BZW2: variants seen among roughly 807,000 people sequenced by gnomAD.
The protein encoded by BZW2 is basic leucine zipper and W2 domains 2.
Under a neutral mutation model 53.2 loss-of-function variants are expected in BZW2, and 23 were observed. The ratio of observed to expected loss-of-function variants is 0.43; its 90% CI spans 0.31 to 0.61. The LOEUF (loss-of-function observed/expected upper bound fraction) is 0.61. Among genes scored for constraint, BZW2 ranks in the 20% least tolerant of loss-of-function variants. The pLI, the probability that BZW2 is intolerant of heterozygous loss-of-function variation, is 0.09. For missense variants in BZW2, 409 were observed against 503.1 expected (o/e 0.81, Z 1.79); for synonymous variants, 227 against 186.4 (o/e 1.22, Z -1.77).
In BZW2 at chr7:16,697,056, C is replaced by T; in HGVS notation, c.964C>T (p.Leu322=). The T allele has an allele frequency of 6.2e-7, 1 of 1,613,828 alleles. No individual in the cohort carries two copies. The highest frequency in any genetic ancestry group is 1.3e-5 in the African/African-American group (1 of 75,026). Residue 322 remains leucine, a synonymous_variant, in exon 9 of 12, where the codon CTG becomes TTG. Transcript: ENST00000258761. Reference sequence around the variant, plus strand: ...TGTTGCAGAGCAGGCTCTGAAGCACCTGAAGGTAACAGCCCTTAGCAAGGA... The same window carrying T: ...TGTTGCAGAGCAGGCTCTGAAGCACTTGAAGGTAACAGCCCTTAGCAAGGA... ...ELVAEQALKH[L]KQYAPLLAVF...
intron 1 of BZW2, among the ~76,000 whole-genome samples, chr7:16,649,591 T>G (rs1449798477): frequency 6.6e-6 from 1 of 152,220 alleles, no homozygotes; most frequent in Admixed American, 6.5e-5. Flanking sequence ...TTTTGTTGCA[T>G]TTTTGAGTAT....
intron 1 of BZW2, among the ~76,000 whole-genome samples, chr7:16,657,502 T>G (rs1782151485): frequency 6.6e-6 from 1 of 152,224 alleles, no homozygotes; most frequent in African/African-American, 2.4e-5. Flanking sequence ...GTGTTGAGCT[T>G]CTTTTTCTGC....
chr7:16,654,581 CTG>C (rs1782074323), intron 1 of BZW2, among the ~76,000 whole-genome samples: 4 of 143,384 alleles, frequency 2.8e-5, no homozygotes, highest in Non-Finnish European at 4.6e-5. Context: ...GTCAGCCAGG[CTG>C]TGATACAGTG....
At chr7:16,662,054 T>A (rs968495519) in intron 1 of BZW2, 2 of 152,154 alleles carry the variant, frequency 1.3e-5, no homozygotes, top group Non-Finnish European at 2.9e-5. Flanking sequence ...ATTCAAAGTG[T>A]CCTTGCTTCT....
chr7:16,691,888 G>A (rs1783319823), intron 7 of BZW2, among the ~76,000 whole-genome samples: 1 of 152,058 alleles, frequency 6.6e-6, no homozygotes. Flanking sequence ...CTGTGTGTGT[G>A]TGTGTGTGTG....
At chr7:16,654,262 T>C (rs1346212012) in intron 1 of BZW2, among the ~76,000 whole-genome samples, 1 of 151,746 alleles carries the variant, frequency 6.6e-6, no homozygotes, top group Non-Finnish European at 1.5e-5. Context: ...GAGACCATCT[T>C]GCTTTTTTCT....
intron 2 of BZW2, among the ~76,000 whole-genome samples, chr7:16,667,669 A>G (rs545750613): frequency 6.6e-6 from 1 of 152,352 alleles, no homozygotes; most frequent in East Asian, 1.9e-4. Flanking sequence ...ACTGTGTGCT[A>G]TCTGCTGGGA....
At chr7:16,669,294 T>G (rs926508725) in intron 2 of BZW2, among the ~76,000 whole-genome samples, 3 of 152,048 alleles carry the variant, frequency 2.0e-5, no homozygotes, top group Non-Finnish European at 4.4e-5. Context: ...CCCAGCTAAG[T>G]TTTGTATTTT....
At chr7:16,650,803 C>T (rs937561710) in intron 1 of BZW2, among the ~76,000 whole-genome samples, 5 of 152,002 alleles carry the variant, frequency 3.3e-5, no homozygotes, top group African/African-American at 7.2e-5. Flanking sequence ...AGTTAGGTGC[C>T]GAGTGGAATG....
At chr7:16,703,853 G>A (rs948787675) in intron 10 of BZW2, among the ~76,000 whole-genome samples, 1 of 152,074 alleles carries the variant, frequency 6.6e-6, no homozygotes, top group Non-Finnish European at 1.5e-5. Flanking sequence ...ATTTTTTGTT[G>A]TTTTTAGAAA....
intron 6 of BZW2, 65 bp from the exon 7 acceptor site, chr7:16,689,732 T>C: frequency 1.4e-6 from 2 of 1,379,482 alleles, no homozygotes; most frequent in South Asian, 2.7e-5. Flanking sequence ...ACCTGGTTGC[T>C]TTGCACACCA....
chr7:16,665,573 T>C, intron 2 of BZW2, 72 bp downstream of exon 2: 1 of 1,571,150 alleles, frequency 6.4e-7, no homozygotes, highest in South Asian at 1.1e-5. Flanking sequence ...AGAATCTGAA[T>C]GATCCCTGTT....
chr7:16,674,732 T>C (rs1270461707), intron 3 of BZW2, 144 bp downstream of exon 3: 3 of 756,568 alleles, frequency 4.0e-6, no homozygotes, highest in Non-Finnish European at 5.7e-6. Flanking sequence ...TTTTACCTGG[T>C]TTAGGATTTG....
chr7:16,703,230 C>T (rs17136424), intron 10 of BZW2, among the ~76,000 whole-genome samples: 4,448 of 152,230 alleles, frequency 0.029, 97 homozygotes, highest in Non-Finnish European at 0.044. Context: ...TACATCCAGG[C>T]TCTATAAGTA....
intron 3 of BZW2, among the ~76,000 whole-genome samples, chr7:16,675,360 G>A (rs928016650): frequency 3.3e-5 from 5 of 152,170 alleles, no homozygotes; most frequent in African/African-American, 7.2e-5. Flanking sequence ...AGCGGGGAGG[G>A]CAGGTATTTG....
intron 2 of BZW2, among the ~76,000 whole-genome samples, chr7:16,671,700 G>T (rs1782604735): frequency 6.6e-6 from 1 of 152,096 alleles, no homozygotes; most frequent in Non-Finnish European, 1.5e-5. Flanking sequence ...GGAGGCCAAG[G>T]CAGGTGGATC....
At chr7:16,702,848 G>T (rs1357138679) in intron 10 of BZW2, among the ~76,000 whole-genome samples, 1 of 152,142 alleles carries the variant, frequency 6.6e-6, no homozygotes, top group Admixed American at 6.5e-5. Context: ...AATAGTGCAT[G>T]AATATAATTT....
intron 7 of BZW2, 142 bp from the exon 8 acceptor site, chr7:16,694,692 C>G: frequency 1.5e-6 from 1 of 661,882 alleles, no homozygotes; most frequent in Admixed American, 3.4e-5. Context: ...GTAAATATAC[C>G]AGAGATTTGT....
chr7:16,693,027 G>A (rs1379132909), intron 7 of BZW2, among the ~76,000 whole-genome samples: 6 of 152,144 alleles, frequency 3.9e-5, no homozygotes, highest in Admixed American at 2.6e-4. Flanking sequence ...GCTCAGAGAA[G>A]TAGCAAGGCC....
Sources: allele counts gnomAD v4.1 joint callset (sites outside exome capture counted in the v4.1 genomes callset), GRCh38; gene constraint gnomAD v4.1.1; transcripts MANE v1.5; gene names NCBI Gene and HGNC (gene_info 2026-07-23, HGNC 2026-07-21).